ADARB2: variants seen among roughly 807,000 people sequenced by gnomAD.
ADARB2 encodes the protein adenosine deaminase RNA specific B2 (inactive).
Under a neutral mutation model 62.2 loss-of-function variants are expected in ADARB2, and 25 were observed. That is an observed-to-expected ratio of 0.40 (90% CI 0.29 to 0.56). ADARB2 has a LOEUF of 0.56. ADARB2 is among the 20% of genes least tolerant of loss of function. The pLI is 0.43. For synonymous variants in ADARB2, 572 were observed against 500.8 expected, an observed-to-expected ratio of 1.14 and a Z score of -1.90; for missense variants, 1,071 against 1,077.4, an observed-to-expected ratio of 0.99 and a Z score of 0.08.
At chr10:1,585,880 A>T (rs1351677731) in intron 1 of ADARB2, among the ~76,000 whole-genome samples, 2 of 152,142 alleles carry the variant, frequency 1.3e-5, no homozygotes, top group Non-Finnish European at 2.9e-5. Flanking sequence ...TAAAAATACA[A>T]AAAACTGGCT....
At chr10:1,331,747 AGTT>A in intron 3 of ADARB2, among the ~76,000 whole-genome samples, 1 of 152,320 alleles carries the variant, frequency 6.6e-6, no homozygotes, top group Admixed American at 6.5e-5. Flanking sequence ...AGCCCAATTA[AGTT>A]GTTATAAAAA....
chr10:1,256,440 G>A (rs1398963303), intron 4 of ADARB2, among the ~76,000 whole-genome samples: 14 of 152,158 alleles, frequency 9.2e-5, no homozygotes, highest in Non-Finnish European at 1.3e-4. Flanking sequence ...CCTGAATGGC[G>A]CCTGCCACCA....
chr10:1,216,991 C>T lies in ADARB2; in HGVS notation c.1642G>A (p.Glu548Lys). The T allele has an allele frequency of 1.9e-6, 3 of 1,609,578 alleles. No individual in the cohort carries two copies. Among genetic ancestry groups the T allele is most frequent in the South Asian group, 1.1e-5 (1 of 90,946 alleles). ...GTGCAGGACATGGTGATCAGCTGCT[C>T]CCCCAGCAGGACGCCGTCCCAGGTC... ...VQTWDGVLLGEQLITMSCTDK... is the reference protein window; with the variant it reads ...VQTWDGVLLGKQLITMSCTDK... Residue 548 changes from glutamate to lysine, a missense_variant, in exon 7 of 10, where the codon GAG becomes AAG. Coordinates refer to ENST00000381312, the MANE Select transcript of ADARB2 (RefSeq NM_018702.4).
intron 1 of ADARB2, among the ~76,000 whole-genome samples, chr10:1,419,821 T>C (rs1163962443): frequency 6.6e-6 from 1 of 152,244 alleles, no homozygotes; most frequent in Non-Finnish European, 1.5e-5. Flanking sequence ...GAGGGATTCG[T>C]TAGCTCTCAC....
At chr10:1,265,815 G>A (rs1455112645) in intron 4 of ADARB2, among the ~76,000 whole-genome samples, 36 of 136,116 alleles carry the variant, frequency 2.6e-4, no homozygotes, top group African/African-American at 9.3e-4. Flanking sequence ...CGGCCTGAGA[G>A]GGGGGCCCAG....
intron 1 of ADARB2, among the ~76,000 whole-genome samples, chr10:1,661,206 GTTTCC>G (rs1228474929): frequency 2.0e-5 from 3 of 152,120 alleles, no homozygotes; most frequent in Non-Finnish European, 4.4e-5. Context: ...CACTTTTCAT[GTTTCC>G]TTTCTTCTTT....
intron 1 of ADARB2, chr10:1,678,238 G>A (rs1382582444): frequency 2.0e-6 from 2 of 985,144 alleles, no homozygotes; most frequent in African/African-American, 3.5e-5. Flanking sequence ...CTCAGGGTGA[G>A]TGTCCTCGGG....
At chr10:1,603,462 G>T (rs530713111) in intron 1 of ADARB2, among the ~76,000 whole-genome samples, 1 of 152,274 alleles carries the variant, frequency 6.6e-6, no homozygotes, top group African/African-American at 2.4e-5. Context: ...GAAGATTTCT[G>T]CTTGTGAAAA....
intron 1 of ADARB2, among the ~76,000 whole-genome samples, chr10:1,662,734 G>A (rs150099707): frequency 2.0e-5 from 3 of 152,294 alleles, no homozygotes; most frequent in South Asian, 2.1e-4. Flanking sequence ...CGCAGGCTCC[G>A]GTTGCAACAA....
At position 1,702,622 on chromosome 10, in the gene ADARB2, T is replaced by G. The variant is rs111986971; in HGVS notation, c.100+34429A>C. ...GTCACCCCTCTATTCTCAGACTCAC[T>G]GAACTCCAGTGACCCTGCTTTGCTT... is the stretch of plus-strand genomic sequence containing the variant. On this transcript the variant is annotated intron_variant, in intron 1 of 9. Transcript: ENST00000381312. Among the ~76,000 whole-genome samples, 156 of 152,348 alleles carry G rather than the reference T, an allele frequency of 1.0e-3. 2 individuals carry two copies. Among genetic ancestry groups the G allele is most frequent in the African/African-American group, 3.7e-3 (152 of 41,588 alleles).
intron 1 of ADARB2, among the ~76,000 whole-genome samples, chr10:1,686,723 C>T (rs1266978576): frequency 2.0e-5 from 3 of 151,934 alleles, no homozygotes; most frequent in African/African-American, 4.8e-5. Flanking sequence ...TGTCTTAGAC[C>T]GTTTTATGTG....
intron 6 of ADARB2, among the ~76,000 whole-genome samples, chr10:1,223,596 C>G (rs1211397995): frequency 6.6e-6 from 1 of 152,146 alleles, no homozygotes; most frequent in Non-Finnish European, 1.5e-5. Context: ...AGATACGTCC[C>G]ATCAATACCT....
At chr10:1,309,316 G>A (rs1399246834) in intron 3 of ADARB2, among the ~76,000 whole-genome samples, 1 of 152,210 alleles carries the variant, frequency 6.6e-6, no homozygotes, top group African/African-American at 2.4e-5. Flanking sequence ...TCTTTGGTCT[G>A]AATCTCACCC....
intron 8 of ADARB2, chr10:1,187,763 A>G: frequency 2.9e-6 from 1 of 345,490 alleles, no homozygotes; most frequent in Non-Finnish European, 6.2e-6. Context: ...CCGGGGACAG[A>G]AGGAAGGAGC....
chr10:1,662,653 G>A (rs1383834427), intron 1 of ADARB2, among the ~76,000 whole-genome samples: 1 of 152,238 alleles, frequency 6.6e-6, no homozygotes, highest in Non-Finnish European at 1.5e-5. Context: ...GCTAGGGTCT[G>A]CAGTGAACTA....
intron 1 of ADARB2, chr10:1,678,066 C>T (rs1588349362): frequency 2.3e-5 from 15 of 638,800 alleles, no homozygotes; most frequent in Non-Finnish European, 2.9e-5. Flanking sequence ...ATTGGAACTA[C>T]ACCACAGGCC....
chr10:1,509,397 A>G (rs1831893440), intron 1 of ADARB2, among the ~76,000 whole-genome samples: 1 of 152,174 alleles, frequency 6.6e-6, no homozygotes, highest in Non-Finnish European at 1.5e-5. Context: ...CTCACTATTA[A>G]CTAATTCTGA....
chr10:1,472,384 G>A (rs571642932), intron 1 of ADARB2, among the ~76,000 whole-genome samples: 6 of 152,000 alleles, frequency 3.9e-5, no homozygotes, highest in African/African-American at 9.6e-5. Flanking sequence ...AGGGCCACGC[G>A]GCTCAGGGGT....
chr10:1,707,560 G>T, intron 1 of ADARB2, among the ~76,000 whole-genome samples: 1 of 152,282 alleles, frequency 6.6e-6, no homozygotes, highest in East Asian at 1.9e-4. Context: ...TTTGAAAATC[G>T]ATCCCGTGGC....
Sources: gnomAD v4.1 joint callset for allele counts (sites outside exome capture counted in the v4.1 genomes callset) on GRCh38, gnomAD v4.1.1 for gene constraint, MANE v1.5 for transcripts, NCBI Gene and HGNC (gene_info 2026-07-23, HGNC 2026-07-21) for gene names.